Variants in MEGF9 observed in about 807,000 individuals in gnomAD.
The protein encoded by MEGF9 is multiple EGF like domains 9.
A neutral mutation model predicts 46.8 loss-of-function variants in MEGF9; 6 were observed. The ratio of observed to expected loss-of-function variants is 0.13; its 90% CI spans 0.07 to 0.25. The LOEUF (loss-of-function observed/expected upper bound fraction) is 0.25, where lower values mean the gene tolerates loss of function less well. Among genes scored for constraint, MEGF9 ranks in the 10% least tolerant of loss-of-function variants. The pLI is 1.00. For missense variants in MEGF9, 683 were observed against 792.4 expected (o/e 0.86, Z 1.66); for synonymous variants, 302 against 330.7 (o/e 0.91, Z 0.94).
At chr9:120,696,343 G>C (rs959707602) in intron 1 of MEGF9, among the ~76,000 whole-genome samples, 1 of 152,146 alleles carries the variant, frequency 6.6e-6, no homozygotes, top group African/African-American at 2.4e-5. Flanking sequence ...GATTAGGAGA[G>C]GCAGCTCTAA....
chr9:120,679,480 G>T (rs10739571), intron 1 of MEGF9, among the ~76,000 whole-genome samples: 1 of 129,948 alleles, frequency 7.7e-6, no homozygotes, highest in Non-Finnish European at 1.6e-5. Flanking sequence ...GTTGAGGGGT[G>T]GGGGGAGGGG....
intron 2 of MEGF9, among the ~76,000 whole-genome samples, chr9:120,654,138 T>C (rs2043665919): frequency 6.6e-6 from 1 of 152,128 alleles, no homozygotes; most frequent in Non-Finnish European, 1.5e-5. Context: ...AAAACAACCA[T>C]TACCTGCATG....
intron 1 of MEGF9, among the ~76,000 whole-genome samples, chr9:120,687,504 T>C (rs181993561): frequency 3.9e-5 from 6 of 152,140 alleles, no homozygotes; most frequent in Admixed American, 2.6e-4. Context: ...TGATTATCAA[T>C]AAGAAAAATG....
chr9:120,642,675 A>G (rs1234836187), intron 2 of MEGF9, among the ~76,000 whole-genome samples: 1 of 152,224 alleles, frequency 6.6e-6, no homozygotes, highest in Non-Finnish European at 1.5e-5. Flanking sequence ...TCAAATATCC[A>G]CAATATCTGT....
At chr9:120,632,339 T>A (rs1222176738) in intron 2 of MEGF9, among the ~76,000 whole-genome samples, 1 of 134,708 alleles carries the variant, frequency 7.4e-6, no homozygotes, top group Non-Finnish European at 1.5e-5. Context: ...CCTAAGTGTT[T>A]TTTTTTTTTT....
rs776489715 is a variant in MEGF9, at chr9:120,714,308, GC to G, written c.50del (p.Gly17AlafsTer144). The G allele has an allele frequency of 7.5e-7, 1 of 1,336,916 alleles. No individual in the cohort carries two copies. The highest frequency in any genetic ancestry group is 1.8e-5 in the South Asian group (1 of 54,254). The allele number at this position is 1,336,916 out of a possible 1,614,324, so 82.8% of individuals were successfully genotyped here. On this transcript the variant is annotated frameshift_variant, in exon 1 of 6. Coordinates refer to ENST00000373930, the MANE Select transcript of MEGF9 (RefSeq NM_001080497.3). LOFTEE classifies it high-confidence loss of function. ...CGGCGGCGCAGCACAACAGGGCGAG[GC>G]CGCCCAGGCTCGGCAGGCTCCTCAT... ...RAMRSLPSLG[G>X]LALLCCAAAA...
chr9:120,664,844 A>C (rs1384499585), intron 1 of MEGF9, among the ~76,000 whole-genome samples: 1 of 152,206 alleles, frequency 6.6e-6, no homozygotes, highest in Non-Finnish European at 1.5e-5. Flanking sequence ...TCAATTTCTG[A>C]GTCCTTTTCA....
intron 3 of MEGF9, among the ~76,000 whole-genome samples, chr9:120,621,733 C>T (rs1043744981): frequency 2.6e-5 from 4 of 151,866 alleles, no homozygotes; most frequent in East Asian, 1.9e-4. Context: ...TATTGTATGC[C>T]GGACACAGTA....
intron 1 of MEGF9, among the ~76,000 whole-genome samples, chr9:120,669,180 T>C (rs2043738048): frequency 6.6e-6 from 1 of 152,206 alleles, no homozygotes; most frequent in Non-Finnish European, 1.5e-5. Context: ...GAAGGCAATT[T>C]CCTTTGAAAA....
chr9:120,612,441 G>A lies in MEGF9; in HGVS notation c.1042C>T (p.Arg348Cys), dbSNP rs897922027. 6 of 1,613,594 alleles carry A rather than the reference G, an allele frequency of 3.7e-6. No homozygotes were observed. The highest frequency in any genetic ancestry group is 1.1e-5 in the South Asian group (1 of 91,058). The change falls in exon 4 of 6, where the codon CGC becomes TGC. Residue 348 changes from arginine to cysteine, a missense_variant. Arg to Cys is a radical substitution (Grantham distance 180). This residue lies in a region of MEGF9 where 313 missense variants were observed against 421.1 expected (regional missense o/e 0.74). Transcript: ENST00000373930. Reference protein sequence around the residue: ...QSPDATKECLRCPCSAVTSTG... With the variant: ...QSPDATKECLCCPCSAVTSTG... Reference sequence around the variant, plus strand: ...GATGTCACTGCTGAACAAGGGCAGCGAAGACATTCTTTAGTGGCATCAGGA... The same window carrying A: ...GATGTCACTGCTGAACAAGGGCAGCAAAGACATTCTTTAGTGGCATCAGGA...
chr9:120,611,957 A>G (rs1437233704), intron 4 of MEGF9, among the ~76,000 whole-genome samples: 1 of 152,170 alleles, frequency 6.6e-6, no homozygotes, highest in South Asian at 2.1e-4. Flanking sequence ...AAGTCCTAGT[A>G]GAAAATATGT....
At chr9:120,706,195 T>C (rs1000748701) in intron 1 of MEGF9, among the ~76,000 whole-genome samples, 1 of 152,204 alleles carries the variant, frequency 6.6e-6, no homozygotes, top group African/African-American at 2.4e-5. Context: ...TGAGAAATTA[T>C]GCACACTTAA....
chr9:120,627,165 A>C (rs1175968357), intron 2 of MEGF9, among the ~76,000 whole-genome samples: 1 of 152,234 alleles, frequency 6.6e-6, no homozygotes, highest in East Asian at 1.9e-4. Context: ...CATTATAAAC[A>C]CATGGTAGAA....
At chr9:120,711,871 A>ACACCCCCC (rs145059704) in intron 1 of MEGF9, among the ~76,000 whole-genome samples, 3 of 150,108 alleles carry the variant, frequency 2.0e-5, no homozygotes, top group Non-Finnish European at 4.4e-5. Flanking sequence ...ACACACACAC[A>ACACCCCCC]CCCACAGGCC....
At chr9:120,617,507 A>G (rs151123760) in intron 3 of MEGF9, among the ~76,000 whole-genome samples, 151 of 152,346 alleles carry the variant, frequency 9.9e-4, no homozygotes, top group African/African-American at 3.5e-3. Context: ...AACAGGGCAT[A>G]AGGTCAGAGA....
chr9:120,680,625 G>A (rs769502305), intron 1 of MEGF9, among the ~76,000 whole-genome samples: 3 of 152,036 alleles, frequency 2.0e-5, no homozygotes, highest in Admixed American at 1.3e-4. Context: ...CCTTCAGGGC[G>A]GCAAGCTCCC....
intron 1 of MEGF9, among the ~76,000 whole-genome samples, chr9:120,672,824 G>C (rs548761649): frequency 6.6e-6 from 1 of 152,302 alleles, no homozygotes; most frequent in African/African-American, 2.4e-5. Flanking sequence ...AGGAGTTCAA[G>C]ACCAGCCTGA....
chr9:120,635,617 AT>A (rs1298361521), intron 2 of MEGF9, among the ~76,000 whole-genome samples: 1 of 148,182 alleles, frequency 6.7e-6, no homozygotes, highest in Non-Finnish European at 1.5e-5. Context: ...TCTCTGTTGT[AT>A]TTTTTAATTT....
At chr9:120,680,343 G>A (rs1476628934) in intron 1 of MEGF9, among the ~76,000 whole-genome samples, 1 of 152,138 alleles carries the variant, frequency 6.6e-6, no homozygotes, top group African/African-American at 2.4e-5. Flanking sequence ...GAAGGGACTT[G>A]GGCCCCAAAT....
Sources: gnomAD v4.1 joint callset for allele counts (sites outside exome capture counted in the v4.1 genomes callset) on GRCh38, gnomAD v4.1.1 for gene constraint, gnomAD v4.1.1 regional missense constraint, MANE v1.5 for transcripts, NCBI Gene and HGNC (gene_info 2026-07-23, HGNC 2026-07-21) for gene names.